Variants in PRKG2 observed in about 807,000 individuals in gnomAD.
PRKG2 encodes protein kinase cGMP-dependent 2, also known as cGMP-dependent protein kinase 2.
PRKG2 carries 33 observed loss-of-function variants against 97.2 expected under a neutral mutation model. The ratio of observed to expected loss-of-function variants is 0.34; its 90% CI spans 0.26 to 0.45. PRKG2 has a LOEUF of 0.45. PRKG2 is among the 20% of genes least tolerant of loss of function. The pLI, the probability that PRKG2 is intolerant of heterozygous loss-of-function variation, is 1.00. For missense variants in PRKG2, 638 were observed against 900.0 expected, an observed-to-expected ratio of 0.71 and a Z score of 3.73; for synonymous variants, 330 against 321.8, an observed-to-expected ratio of 1.03 and a Z score of -0.27.
rs1685963245 is a variant in PRKG2, at chr4:81,087,958, A to G, written c.*1750T>C. 6.6e-6 allele frequency: 1 copy of G among 152,164 alleles called. No individual in the cohort carries two copies. The highest frequency in any genetic ancestry group is 1.5e-5 in the Non-Finnish European group (1 of 67,996). 9.4% of individuals were successfully genotyped at this position (152,164 alleles called of 1,614,324 possible). ...TATAGTTCTAATATCCACCCAATACATAAATTTTCTATCTTTATAGGTTGG... is the reference window on the plus strand; with the variant it reads ...TATAGTTCTAATATCCACCCAATACGTAAATTTTCTATCTTTATAGGTTGG... On this transcript the variant is annotated 3_prime_UTR_variant, in exon 19 of 19. Coordinates refer to ENST00000264399, the MANE Select transcript of PRKG2 (RefSeq NM_006259.3).
intron 2 of PRKG2, among the ~76,000 whole-genome samples, chr4:81,191,130 A>G (rs776742539): frequency 2.0e-5 from 3 of 151,990 alleles, no homozygotes; most frequent in Non-Finnish European, 4.4e-5. Context: ...AGATACACAC[A>G]CACGTATGTT....
At chr4:81,140,920 G>A (rs2057548134) in intron 11 of PRKG2, among the ~76,000 whole-genome samples, 1 of 152,062 alleles carries the variant, frequency 6.6e-6, no homozygotes, top group South Asian at 2.1e-4. Flanking sequence ...TTAATATTTA[G>A]ATAGCTATTC....
At chr4:81,163,319 C>T (rs1308125486) in intron 6 of PRKG2, among the ~76,000 whole-genome samples, 1 of 152,050 alleles carries the variant, frequency 6.6e-6, no homozygotes, top group Non-Finnish European at 1.5e-5. Flanking sequence ...AAGAGAAATG[C>T]AAATAGTGTG....
intron 2 of PRKG2, among the ~76,000 whole-genome samples, chr4:81,193,592 C>A (rs1752741652): frequency 6.6e-6 from 1 of 152,154 alleles, no homozygotes; most frequent in Non-Finnish European, 1.5e-5. Context: ...GTAATCCCAG[C>A]ACTTTGGGAG....
At chr4:81,153,579 T>C (rs934700144) in intron 7 of PRKG2, 65 bp downstream of exon 7, 7 of 1,319,454 alleles carry the variant, frequency 5.3e-6, no homozygotes, top group Admixed American at 1.7e-5. Context: ...CAAAGCATAG[T>C]TGAGTTTATG....
chr4:81,137,499 A>T lies in PRKG2; in HGVS notation c.1545-17T>A. ...CGATATAATCTGTGAAGACAGATAA[A>T]AACATGGTTATTATTGGAAATCTAG... On this transcript the variant is annotated splice_polypyrimidine_tract_variant and intron_variant, in intron 12 of 18. Transcript: ENST00000264399. 4 of 1,562,520 alleles carry T rather than the reference A, an allele frequency of 2.6e-6. No individual in the cohort carries two copies. Among genetic ancestry groups the T allele is most frequent in the Non-Finnish European group, 2.6e-6 (3 of 1,136,528 alleles).
intron 2 of PRKG2, among the ~76,000 whole-genome samples, chr4:81,200,889 T>A (rs1481973386): frequency 6.6e-6 from 1 of 152,220 alleles, no homozygotes; most frequent in Non-Finnish European, 1.5e-5. Flanking sequence ...GCCCACTGCA[T>A]GCTGCATGGT....
At chr4:81,199,108 C>T (rs975701130) in intron 2 of PRKG2, among the ~76,000 whole-genome samples, 1 of 152,038 alleles carries the variant, frequency 6.6e-6, no homozygotes, top group Non-Finnish European at 1.5e-5. Flanking sequence ...CTGGTAAAAG[C>T]CTGTATATAC....
intron 15 of PRKG2, among the ~76,000 whole-genome samples, chr4:81,106,780 G>A (rs1341631219): frequency 6.6e-6 from 1 of 152,182 alleles, no homozygotes; most frequent in Non-Finnish European, 1.5e-5. Flanking sequence ...AATCAGAAGG[G>A]TGAAGCCCTC....
intron 17 of PRKG2, among the ~76,000 whole-genome samples, chr4:81,099,626 G>A (rs1742504365): frequency 6.6e-6 from 1 of 152,056 alleles, no homozygotes; most frequent in South Asian, 2.1e-4. Context: ...GGCAAAAACT[G>A]GAAGCATTCC....
At chr4:81,208,307 T>C (rs891773862) in intron 1 of PRKG2, among the ~76,000 whole-genome samples, 6 of 152,158 alleles carry the variant, frequency 3.9e-5, no homozygotes, top group African/African-American at 1.4e-4. Flanking sequence ...GCTCTTATTA[T>C]AGTATGTAAC....
intron 17 of PRKG2, among the ~76,000 whole-genome samples, chr4:81,097,662 T>A (rs1195181026): frequency 6.6e-6 from 1 of 152,206 alleles, no homozygotes; most frequent in African/African-American, 2.4e-5. Context: ...TCATCAGTGA[T>A]CTTAGCTGAA....
chr4:81,104,144 T>C (rs1743093711), intron 17 of PRKG2, among the ~76,000 whole-genome samples: 1 of 152,174 alleles, frequency 6.6e-6, no homozygotes, highest in Admixed American at 6.6e-5. Flanking sequence ...TAACTTCTTT[T>C]GTAACTTCAG....
chr4:81,198,461 C>T (rs1313156430), intron 2 of PRKG2, among the ~76,000 whole-genome samples: 1 of 152,090 alleles, frequency 6.6e-6, no homozygotes, highest in Admixed American at 6.6e-5. Context: ...TTACCTCTTC[C>T]TTTTTTTGGA....
intron 17 of PRKG2, among the ~76,000 whole-genome samples, chr4:81,094,464 G>A (rs1007057631): frequency 3.3e-5 from 5 of 152,142 alleles, no homozygotes; most frequent in African/African-American, 1.2e-4. Context: ...GAGTAGAGAA[G>A]CTACACAGCT....
At position 81,113,024 on chromosome 4, in the gene PRKG2, T is replaced by C. The variant is rs527335130; in HGVS notation, c.1777-2413A>G. On this transcript the variant is annotated intron_variant, in intron 14 of 18. Transcript: ENST00000264399. ...CAGTGAGGTAAGTAAGAGAGCTCTGTAAGCATCCGAGCGGCAGTCGTGCCA... is the reference window on the plus strand; with the variant it reads ...CAGTGAGGTAAGTAAGAGAGCTCTGCAAGCATCCGAGCGGCAGTCGTGCCA... Among the ~76,000 whole-genome samples, 17 of 152,230 alleles carry C rather than the reference T, an allele frequency of 1.1e-4. No homozygotes were observed. The East Asian group carries it at 3.1e-3, about 28-fold the overall frequency.
intron 6 of PRKG2, among the ~76,000 whole-genome samples, chr4:81,155,041 A>G (rs1748893490): frequency 6.6e-6 from 1 of 150,726 alleles, no homozygotes; most frequent in Non-Finnish European, 1.5e-5. Context: ...AGCCGGGCGT[A>G]GTGGCGGGCG....
At chr4:81,205,706 TA>T (rs1426251504) in intron 1 of PRKG2, among the ~76,000 whole-genome samples, 2 of 152,220 alleles carry the variant, frequency 1.3e-5, no homozygotes, top group Non-Finnish European at 2.9e-5. Context: ...TCCTCTACTT[TA>T]TGTCCAAAGT....
At chr4:81,107,189 AATCAAGAGTTATGTTTTAAAC>A (rs1743433892) in intron 15 of PRKG2, among the ~76,000 whole-genome samples, 1 of 152,152 alleles carries the variant, frequency 6.6e-6, no homozygotes, top group African/African-American at 2.4e-5. Flanking sequence ...TGGGGAAGGG[AATCAAGAGTTATGTTTTAAAC>A]ATCCAAATGG....
Sources: allele counts gnomAD v4.1 joint callset (sites outside exome capture counted in the v4.1 genomes callset), GRCh38; gene constraint gnomAD v4.1.1; transcripts MANE v1.5; gene names NCBI Gene and HGNC (gene_info 2026-07-23, HGNC 2026-07-21).